The following TENM3 variants were observed in gnomAD, a reference collection of about 807,000 sequenced individuals.
TENM3 encodes teneurin transmembrane protein 3.
TENM3 carries 63 observed loss-of-function variants against 255.1 expected under a neutral mutation model. The observed-to-expected ratio is 0.25, with a 90% CI of 0.20 to 0.30. The LOEUF (loss-of-function observed/expected upper bound fraction) is 0.30, where lower values mean the gene tolerates loss of function less well. TENM3 is among the 10% of genes least tolerant of loss of function. TENM3 has a pLI of 1.00. For missense variants in TENM3, 2,929 were observed against 3,461.1 expected, an observed-to-expected ratio of 0.85 and a Z score of 3.86; for synonymous variants, 1,306 against 1,322.3, an observed-to-expected ratio of 0.99 and a Z score of 0.27.
At chr4:181,609,267 C>T in the TENM3 span, among the ~76,000 whole-genome samples, 15 of 152,134 alleles carry the variant, frequency 9.9e-5, no homozygotes, top group Non-Finnish European at 2.1e-4. Context: ...TTTCTTTTGA[C>T]TTCTTTTTTC....
At chr4:182,241,284 A>G (rs1314744582), upstream of TENM3, among the ~76,000 whole-genome samples, 1 of 151,980 alleles carries the variant, frequency 6.6e-6, no homozygotes, top group East Asian at 1.9e-4. Flanking sequence ...TTTCACCTCC[A>G]TTTCTGACAA....
chr4:181,464,676 C>T, the TENM3 span, among the ~76,000 whole-genome samples: 73,337 of 151,854 alleles, frequency 0.48, 18,641 homozygotes, highest in African/African-American at 0.64. Context: ...AGTAGCCAGG[C>T]GCAGTGGCTC....
intron 6 of TENM3, among the ~76,000 whole-genome samples, chr4:182,658,356 G>T (rs73869805): frequency 6.6e-6 from 1 of 151,986 alleles, no homozygotes; most frequent in African/African-American, 2.4e-5. Context: ...AGGACTCTGC[G>T]CTTGACAATA....
the TENM3 span, among the ~76,000 whole-genome samples, chr4:181,625,671 G>A: frequency 2.6e-5 from 4 of 151,960 alleles, no homozygotes; most frequent in East Asian, 5.8e-4. Context: ...AAAATTAGCC[G>A]GGTGTGGCGG....
chr4:182,483,993 G>C (rs1007716576), intron 3 of TENM3, among the ~76,000 whole-genome samples: 1 of 152,062 alleles, frequency 6.6e-6, no homozygotes, highest in African/African-American at 2.4e-5. Flanking sequence ...TTCTGCATGA[G>C]ATCTGTGTGG....
At chr4:182,581,164 A>G (rs1745458371) in intron 3 of TENM3, among the ~76,000 whole-genome samples, 1 of 152,240 alleles carries the variant, frequency 6.6e-6, no homozygotes, top group Non-Finnish European at 1.5e-5. Context: ...ATAAGAAGAA[A>G]TCACAAAGGA....
rs1414795953 is a variant in TENM3 at position 182,779,829 on chromosome 4, A to C, written c.5304+4676A>C. ...GTCCAGTGATGATGAGCATTTTTTC[A>C]TGTGTTTTTTGGCTGCATAAATGTC... is the stretch of plus-strand genomic sequence containing the variant. On this transcript the variant is annotated intron_variant, in intron 24 of 27. Transcript: ENST00000511685. Among the ~76,000 whole-genome samples, 3 of 152,078 alleles carry C rather than the reference A, an allele frequency of 2.0e-5. No homozygotes were observed. In the East Asian group the frequency reaches 5.8e-4, roughly 29 times the overall value.
In TENM3 at chr4:182,736,924, A is replaced by C. The variant is rs1177093505; in HGVS notation, c.3084A>C (p.Pro1028=). Residue 1028 remains proline, a synonymous_variant, in exon 17 of 28, where the codon CCA becomes CCC. Transcript: ENST00000511685. The stretch of plus-strand genomic sequence containing the variant: ...TCACCATGACCCAGTCTATTATTCC[A>C]TTTAATTTAATGAAGGTTCATCTTA... ...LKITMTQSII[P]FNLMKVHLMV... 1 of 1,613,898 alleles carries C rather than the reference A, an allele frequency of 6.2e-7. No homozygotes were observed. The highest frequency in any genetic ancestry group is 8.5e-7 in the Non-Finnish European group (1 of 1,179,850).
chr4:181,911,345 T>C, the TENM3 span, among the ~76,000 whole-genome samples: 1 of 152,194 alleles, frequency 6.6e-6, no homozygotes, highest in East Asian at 1.9e-4. Flanking sequence ...TGGAAAAAGA[T>C]GCAAAGAAAG....
At chr4:182,107,070 C>G in the TENM3 span, among the ~76,000 whole-genome samples, 1 of 151,864 alleles carries the variant, frequency 6.6e-6, no homozygotes, top group East Asian at 1.9e-4. Context: ...TGGAACTTTC[C>G]TTATTTAACA....
rs1342091476 is a variant in TENM3 at position 182,161,688 on chromosome 4, CAA to C, written c.-76+16936_-76+16937del. 3.4e-3 allele frequency among the ~76,000 whole-genome samples: 363 copies of C among 106,382 alleles called. 15 individuals carry two copies. Among genetic ancestry groups the C allele is most frequent in the Non-Finnish European group, 5.2e-3 (276 of 52,902 alleles). 69.8% of individuals were successfully genotyped at this position (106,382 alleles called of 152,430 possible). Reference sequence around the variant, plus strand: ...AAATATATATATGTATATATATACACAAATATATATGTATATATATACATATA... The same window carrying C: ...AAATATATATATGTATATATATACACATATATATGTATATATATACATATA... On this transcript the variant is annotated intron_variant, in intron 1 of 2. Transcript: ENST00000512480.
At chr4:181,556,895 G>A in the TENM3 span, among the ~76,000 whole-genome samples, 3 of 152,130 alleles carry the variant, frequency 2.0e-5, no homozygotes, top group Non-Finnish European at 2.9e-5. Flanking sequence ...ATGAGAAAAC[G>A]TAACGGTTTT....
At chr4:182,152,990 A>T (rs1750448751) in intron 1 of TENM3, among the ~76,000 whole-genome samples, 1 of 151,916 alleles carries the variant, frequency 6.6e-6, no homozygotes. Context: ...ATATTGATTT[A>T]CTAAAGATGC....
upstream of TENM3, among the ~76,000 whole-genome samples, chr4:182,243,235 C>T (rs578216193): frequency 2.4e-4 from 37 of 152,312 alleles, no homozygotes; most frequent in African/African-American, 8.7e-4. Context: ...CTGCCTCAGC[C>T]TCCTGAGTAG....
In TENM3 at chr4:182,220,139, G is replaced by T. The variant is rs1211550932; in HGVS notation, c.-76+75385G>T. Among the ~76,000 whole-genome samples, 3 of 152,266 alleles carry T rather than the reference G, an allele frequency of 2.0e-5. No homozygotes were observed. The East Asian group carries it at 5.8e-4, about 29-fold the overall frequency. ...TGCCCGAAATCCCAGCACTTTGGGAGGCCAAGGTGGGCGGATCACCTGAGG... is the reference window on the plus strand; with the variant it reads ...TGCCCGAAATCCCAGCACTTTGGGATGCCAAGGTGGGCGGATCACCTGAGG... On this transcript the variant is annotated intron_variant, in intron 1 of 2. Transcript: ENST00000512480.
the TENM3 span, among the ~76,000 whole-genome samples, chr4:181,528,928 CATAT>C: frequency 6.6e-6 from 1 of 152,132 alleles, no homozygotes; most frequent in Admixed American, 6.5e-5. Flanking sequence ...TATCTGCAGG[CATAT>C]ATATAGTTGA....
chr4:182,233,802 T>C (rs1219833890), intron 1 of TENM3, among the ~76,000 whole-genome samples: 2 of 152,266 alleles, frequency 1.3e-5, no homozygotes, highest in Non-Finnish European at 2.9e-5. Context: ...TAGAAGGGAC[T>C]GTTCTCTTTC....
chr4:181,605,568 A>AAGGG, the TENM3 span, among the ~76,000 whole-genome samples: 1 of 42,164 alleles, frequency 2.4e-5, no homozygotes, highest in African/African-American at 8.6e-5. Flanking sequence ...GAAAGAAAGA[A>AAGGG]AGAGAGAGAA....
the TENM3 span, among the ~76,000 whole-genome samples, chr4:181,501,854 C>G: frequency 6.6e-6 from 1 of 152,130 alleles, no homozygotes; most frequent in Non-Finnish European, 1.5e-5. Flanking sequence ...AGTCTGAGGA[C>G]ATAGATGCCA....
Sources: allele counts gnomAD v4.1 joint callset (sites outside exome capture counted in the v4.1 genomes callset), GRCh38; gene constraint gnomAD v4.1.1; transcripts MANE v1.5; gene names NCBI Gene and HGNC (gene_info 2026-07-23, HGNC 2026-07-21).